The following FER variants were observed in gnomAD, a reference collection of about 807,000 sequenced individuals.
FER encodes FER tyrosine kinase, also known as tyrosine-protein kinase Fer.
In FER, 63 loss-of-function variants were observed where a neutral mutation model predicts 111.0. The observed-to-expected ratio is 0.57, with a 90% CI of 0.46 to 0.70. The LOEUF is 0.70. Ranked by LOEUF, FER falls within the 30% of genes least tolerant of loss-of-function variation. FER has a pLI of 0.00. For synonymous variants in FER, 327 were observed against 313.9 expected (o/e 1.04, Z -0.44); for missense variants, 914 against 954.0 (o/e 0.96, Z 0.55).
intron 16 of FER, among the ~76,000 whole-genome samples, chr5:109,075,408 T>A (rs919668531): frequency 6.6e-5 from 10 of 151,928 alleles, no homozygotes; most frequent in South Asian, 4.2e-4. Context: ...AAAATATCTT[T>A]GGAATGGCTT....
chr5:109,040,822 C>T (rs564436139), intron 14 of FER, among the ~76,000 whole-genome samples: 8 of 152,118 alleles, frequency 5.3e-5, no homozygotes, highest in South Asian at 2.1e-4. Context: ...ATTGCTAGAG[C>T]GTCATCCTTG....
At chr5:108,967,786 A>G (rs1367270921) in intron 13 of FER, among the ~76,000 whole-genome samples, 1 of 149,962 alleles carries the variant, frequency 6.7e-6, no homozygotes, top group African/African-American at 2.5e-5. Context: ...AAAAAAAACA[A>G]TTAGGAAAGG....
chr5:109,111,701 G>T (rs186132100), intron 17 of FER, among the ~76,000 whole-genome samples: 14 of 152,070 alleles, frequency 9.2e-5, no homozygotes, highest in African/African-American at 3.4e-4. Context: ...GGCGAAGAGG[G>T]AGTAAGCACT....
chr5:108,822,932 G>A (rs542561913), intron 3 of FER, among the ~76,000 whole-genome samples: 13 of 151,594 alleles, frequency 8.6e-5, no homozygotes, highest in East Asian at 3.9e-4. Flanking sequence ...ATGCAGTGGC[G>A]CCATCTCGGC....
rs1220969919 is a variant in FER at position 109,028,358 on chromosome 5, T to C, written c.1657-9064T>C. ...AGTATGTAAATCATAAGTTAAAAAATCTGTTAGGAATAGAACTTGAAACTT... is the reference window on the plus strand; with the variant it reads ...AGTATGTAAATCATAAGTTAAAAAACCTGTTAGGAATAGAACTTGAAACTT... On this transcript the variant is annotated intron_variant, in intron 13 of 19. Coordinates refer to ENST00000281092, the MANE Select transcript of FER (RefSeq NM_005246.4). Among the ~76,000 whole-genome samples the C allele has an allele frequency of 3.3e-5, 5 of 151,796 alleles. No individual in the cohort carries two copies. In the East Asian group the frequency reaches 9.6e-4, roughly 29 times the overall value.
intron 12 of FER, among the ~76,000 whole-genome samples, chr5:108,958,406 A>G (rs1393502471): frequency 6.6e-6 from 1 of 151,792 alleles, no homozygotes; most frequent in African/African-American, 2.4e-5. Flanking sequence ...TTGCATTGCA[A>G]TGCTTCTTGC....
intron 13 of FER, among the ~76,000 whole-genome samples, chr5:109,004,352 A>G (rs992481384): frequency 3.3e-5 from 5 of 152,186 alleles, no homozygotes; most frequent in African/African-American, 1.2e-4. Context: ...TAGTTTCAAA[A>G]TATTCATATC....
In FER at chr5:108,756,168, A is replaced by AT. The variant is rs1392947340; in HGVS notation, c.-206+8168_-206+8169insT. On this transcript the variant is annotated intron_variant, in intron 1 of 19. Transcript: ENST00000281092. Reference sequence around the variant, plus strand: ...AGAAACTCCATCTCAAAAAAAAAAAAAAAAATAATAATAATAAATACAATA... The same window carrying AT: ...AGAAACTCCATCTCAAAAAAAAAAAATAAAAATAATAATAATAAATACAATA... 3.5e-4 allele frequency among the ~76,000 whole-genome samples: 52 copies of AT among 149,978 alleles called. 1 individual carries two copies. Among genetic ancestry groups the AT allele is most frequent in the Admixed American group, 2.6e-4 (4 of 15,142 alleles).
intron 13 of FER, among the ~76,000 whole-genome samples, chr5:109,031,814 A>T (rs78133035): frequency 6.6e-6 from 1 of 152,230 alleles, no homozygotes; most frequent in Admixed American, 6.5e-5. Flanking sequence ...TTCTAGCACA[A>T]TATGGCTTCC....
intron 2 of FER, among the ~76,000 whole-genome samples, chr5:108,774,145 G>C (rs977027461): frequency 1.3e-5 from 2 of 151,846 alleles, no homozygotes; most frequent in African/African-American, 4.8e-5. Flanking sequence ...GAGTGAGAAC[G>C]TGGGATGTTT....
chr5:108,785,261 G>A (rs1561414560), intron 2 of FER: 1 of 560,268 alleles, frequency 1.8e-6, no homozygotes, highest in South Asian at 1.8e-5. Flanking sequence ...CATGCTGTGG[G>A]ATCTCAACGA....
chr5:108,973,668 A>G (rs1169547534), intron 13 of FER, among the ~76,000 whole-genome samples: 1 of 152,114 alleles, frequency 6.6e-6, no homozygotes, highest in Non-Finnish European at 1.5e-5. Flanking sequence ...AATCAGTTAC[A>G]ATTTCTTATG....
chr5:108,816,268 G>A (rs541163325), intron 3 of FER, among the ~76,000 whole-genome samples: 11 of 152,344 alleles, frequency 7.2e-5, no homozygotes, highest in African/African-American at 2.2e-4. Context: ...ACCATGCTGC[G>A]TAGGAATACA....
intron 3 of FER, among the ~76,000 whole-genome samples, chr5:108,830,386 G>A (rs1056023208): frequency 6.6e-6 from 1 of 152,116 alleles, no homozygotes; most frequent in Non-Finnish European, 1.5e-5. Flanking sequence ...CCCAGGAGGT[G>A]GAGGTTGTAG....
intron 13 of FER, among the ~76,000 whole-genome samples, chr5:108,975,502 T>C (rs1761218673): frequency 6.6e-6 from 1 of 151,766 alleles, no homozygotes; most frequent in Non-Finnish European, 1.5e-5. Flanking sequence ...GGAGGTGAGG[T>C]TGGAGAAGGG....
chr5:109,149,406 A>C (rs775192804), intron 17 of FER, among the ~76,000 whole-genome samples: 1 of 152,178 alleles, frequency 6.6e-6, no homozygotes, highest in Non-Finnish European at 1.5e-5. Context: ...GGGGTCCCCA[A>C]CCCACCTCTA....
At chr5:108,958,140 AT>A (rs1379020197) in intron 12 of FER, among the ~76,000 whole-genome samples, 3 of 151,802 alleles carry the variant, frequency 2.0e-5, no homozygotes, top group Non-Finnish European at 4.4e-5. Flanking sequence ...ACAAATATTC[AT>A]TTAAAAAGTT....
At chr5:108,945,417 G>T (rs779942619) in intron 10 of FER, among the ~76,000 whole-genome samples, 1 of 151,788 alleles carries the variant, frequency 6.6e-6, no homozygotes, top group Non-Finnish European at 1.5e-5. Context: ...TTATAAAATG[G>T]ATCTAAAGAT....
intron 2 of FER, among the ~76,000 whole-genome samples, chr5:108,787,123 G>C (rs984001405): frequency 9.2e-5 from 14 of 152,122 alleles, no homozygotes; most frequent in African/African-American, 3.4e-4. Context: ...CCCTGCCCCT[G>C]TAGGCTTGAA....
Sources: gnomAD v4.1 joint callset for allele counts (sites outside exome capture counted in the v4.1 genomes callset) on GRCh38, gnomAD v4.1.1 for gene constraint, MANE v1.5 for transcripts, NCBI Gene and HGNC (gene_info 2026-07-23, HGNC 2026-07-21) for gene names.